Variants in MYH11 observed in about 807,000 individuals in gnomAD.
MYH11 encodes the protein myosin heavy chain 11.
Under a neutral mutation model 246.6 loss-of-function variants are expected in MYH11, and 80 were observed. That is an observed-to-expected ratio of 0.32 (90% CI 0.27 to 0.39). MYH11 has a LOEUF of 0.39. Among genes scored for constraint, MYH11 ranks in the 10% least tolerant of loss-of-function variants. The probability of loss-of-function intolerance (pLI) is 1.00; values close to 1 mark genes in which losing one functional copy is unlikely to be tolerated. For synonymous variants in MYH11, 1,071 were observed against 1,015.5 expected (o/e 1.05, Z -1.04); for missense variants, 2,158 against 2,546.8 (o/e 0.85, Z 3.29).
At chr16:15,763,741 T>TCGGCCCCCCC in intron 10 of MYH11, 55 bp downstream of exon 10, 1 of 646,852 alleles carries the variant, frequency 1.5e-6, no homozygotes, top group Admixed American at 2.1e-5. Flanking sequence ...AAATGTCACC[T>TCGGCCCCCCC]CCCCCACCCC....
Position 15,750,170 on chromosome 16 carries a change from C to T in MYH11, c.2026G>A (p.Val676Met), listed in dbSNP as rs926424189. The change falls in exon 16 of 41, where the codon GTG becomes ATG. Residue 676 changes from valine to methionine, a missense_variant. By Grantham distance (21) the Val-to-Met change is conservative. Around this residue, in one of 11 missense-constraint regions of MYH11, gnomAD observed 317 missense variants for 507.7 expected, o/e 0.62. Transcript: ENST00000300036. The surrounding 1 kb of genome is among the most constrained non-coding windows in gnomAD (Gnocchi z 4.3). Reference protein sequence around the residue: ...TTLRNTTPNFVRCIIPNHEKR... With the variant: ...TTLRNTTPNFMRCIIPNHEKR... ...TCGTGGTTGGGGATGATGCAGCGCA[C>T]GAAGTTGGGCGTGGTGTTGCGTAGC... 4 of 1,614,098 alleles carry T rather than the reference C, an allele frequency of 2.5e-6. No individual in the cohort carries two copies. Among genetic ancestry groups the T allele is most frequent in the African/African-American group, 2.7e-5 (2 of 74,948 alleles).
chr16:15,814,248 G>A (rs972336910), intron 3 of MYH11, among the ~76,000 whole-genome samples: 1 of 151,318 alleles, frequency 6.6e-6, no homozygotes, highest in African/African-American at 2.4e-5. Context: ...AATGGGATAA[G>A]CGTTGAAAAG....
At chr16:15,838,342 C>T in intron 1 of MYH11, 73 bp from the exon 2 acceptor site, 2 of 1,231,538 alleles carry the variant, frequency 1.6e-6, no homozygotes, top group Non-Finnish European at 2.3e-6. Context: ...ACTCACCTTG[C>T]CCTGTCTAGG....
intron 34 of MYH11, 28 bp downstream of exon 34, chr16:15,720,123 C>G (rs1335117404): frequency 6.2e-7 from 1 of 1,613,926 alleles, no homozygotes; most frequent in Non-Finnish European, 8.5e-7. Flanking sequence ...TCCCTCCACC[C>G]ATGCCCCAAG....
chr16:15,850,885 A>G (rs1427810117), intron 1 of MYH11, among the ~76,000 whole-genome samples: 1 of 151,816 alleles, frequency 6.6e-6, no homozygotes, highest in African/African-American at 2.4e-5. Flanking sequence ...ACAGAGTGAG[A>G]CTCCATCTCA....
At chr16:15,802,434 C>T (rs1319165847) in intron 3 of MYH11, among the ~76,000 whole-genome samples, 1 of 152,174 alleles carries the variant, frequency 6.6e-6, no homozygotes, top group African/African-American at 2.4e-5. Flanking sequence ...CTCAGAACCT[C>T]AGACTGCGAT....
intron 1 of MYH11, among the ~76,000 whole-genome samples, chr16:15,856,449 C>G (rs1046453216): frequency 1.3e-5 from 2 of 152,038 alleles, no homozygotes; most frequent in South Asian, 2.1e-4. Context: ...AGGAGCCTCA[C>G]TTTGCCCTTC....
chr16:15,707,980 GCAAAAT>G (rs2039556304), intron 40 of MYH11, among the ~76,000 whole-genome samples: 2 of 102,328 alleles, frequency 2.0e-5, no homozygotes, highest in African/African-American at 5.1e-5. Flanking sequence ...AAAAAAAAAA[GCAAAAT>G]CCCAGAGCAG....
intron 25 of MYH11, 92 bp from the exon 26 acceptor site, chr16:15,735,670 TA>T: frequency 1.1e-5 from 14 of 1,249,572 alleles, no homozygotes; most frequent in Non-Finnish European, 1.6e-5. Flanking sequence ...ACCAGACAGT[TA>T]TGTTGCAGAG....
chr16:15,751,084 C>G (rs1596778780), intron 15 of MYH11, among the ~76,000 whole-genome samples: 1 of 151,664 alleles, frequency 6.6e-6, no homozygotes, highest in African/African-American at 2.4e-5. Context: ...TCCGAGATAG[C>G]CTGGCACATC....
At chr16:15,786,793 T>C (rs1469890512) in intron 4 of MYH11, 61 bp from the exon 5 acceptor site, 22 of 1,421,000 alleles carry the variant, frequency 1.5e-5, no homozygotes, top group Non-Finnish European at 2.0e-5. Flanking sequence ...CGCAGTTCCA[T>C]GAGCCAGGCA....
chr16:15,731,326 G>A (rs1413353582), intron 27 of MYH11, among the ~76,000 whole-genome samples: 1 of 152,124 alleles, frequency 6.6e-6, no homozygotes, highest in Non-Finnish European at 1.5e-5. Flanking sequence ...TGCAAATCAT[G>A]GCTCTGTCAC....
chr16:15,754,599 A>T (rs141828331), intron 14 of MYH11, among the ~76,000 whole-genome samples: 2 of 152,330 alleles, frequency 1.3e-5, no homozygotes, highest in African/African-American at 2.4e-5. Context: ...GAGTTGGGAA[A>T]CTTTTGGTGA....
Position 15,757,841 on chromosome 16 carries a change from G to A in MYH11, c.1561C>T (p.Leu521Phe). 1.2e-6 allele frequency: 2 copies of A among 1,614,198 alleles called. No homozygotes were observed. Among genetic ancestry groups the A allele is most frequent in the Non-Finnish European group, 1.7e-6 (2 of 1,180,044 alleles). The change falls in exon 13 of 41, where the codon CTC becomes TTC. Residue 521 changes from leucine (L) to phenylalanine (F), a missense_variant. Physicochemically the swap from Leu to Phe is conservative, Grantham distance 22. Around this residue, in one of 11 missense-constraint regions of MYH11, gnomAD observed 317 missense variants for 507.7 expected, o/e 0.62. Coordinates refer to ENST00000300036, the MANE Select transcript of MYH11 (RefSeq NM_002474.3). ...GTGCCCCTCACCGGTCGCTCGATGAGCTCGATGCAGGGCTGTAGGTCCAGC... is the reference window on the plus strand; with the variant it reads ...GTGCCCCTCACCGGTCGCTCGATGAACTCGATGCAGGGCTGTAGGTCCAGC... ...FGLDLQPCIE[L>F]IERPNNPPGV...
rs1368098393 is a variant in MYH11 at position 15,779,310 on chromosome 16, TA to T, written c.727-468del. The T allele has an allele frequency of 6.3e-5, 14 of 223,158 alleles. No homozygotes were observed. The East Asian group carries it at 1.0e-3, about 16-fold the overall frequency. 13.8% of individuals were successfully genotyped at this position (223,158 alleles called of 1,614,324 possible). On this transcript the variant is annotated intron_variant, in intron 6 of 40. Transcript: ENST00000300036. ...TGCACCACCATATCTGGCTAATTTT[TA>T]AATTTTTTTTTGTAGAGATAGGATC... is the stretch of plus-strand genomic sequence containing the variant.
chr16:15,772,178 G>C (rs1365707342), intron 8 of MYH11, among the ~76,000 whole-genome samples: 1 of 128,906 alleles, frequency 7.8e-6, no homozygotes, highest in African/African-American at 2.9e-5. Flanking sequence ...TGCAACCTCC[G>C]CCTCCCAGGT....
At chr16:15,821,543 CT>C (rs2043410682) in intron 3 of MYH11, among the ~76,000 whole-genome samples, 1 of 152,138 alleles carries the variant, frequency 6.6e-6, no homozygotes, top group Non-Finnish European at 1.5e-5. Flanking sequence ...GTCGCTCCCC[CT>C]CCTTCTCCTT....
At chr16:15,764,762 C>T (rs920850161) in intron 9 of MYH11, among the ~76,000 whole-genome samples, 1 of 152,136 alleles carries the variant, frequency 6.6e-6, no homozygotes, top group African/African-American at 2.4e-5. Flanking sequence ...TTGCACTGCA[C>T]GCTATGGCAT....
intron 8 of MYH11, among the ~76,000 whole-genome samples, chr16:15,773,754 GC>G (rs2042158682): frequency 6.6e-6 from 1 of 152,172 alleles, no homozygotes; most frequent in Non-Finnish European, 1.5e-5. Context: ...TTGAGTAGTT[GC>G]AACAGAGGCC....
Sources: gnomAD v4.1 joint callset for allele counts (sites outside exome capture counted in the v4.1 genomes callset) on GRCh38, gnomAD v4.1.1 for gene constraint, gnomAD v4.1.1 regional missense constraint, Gnocchi (gnomAD v3.1) non-coding constraint, MANE v1.5 for transcripts, NCBI Gene and HGNC (gene_info 2026-07-23, HGNC 2026-07-21) for gene names.